The following ATP2C1 variants were observed in gnomAD, a reference collection of about 807,000 sequenced individuals.
ATP2C1 encodes calcium-transporting ATPase type 2C member 1.
Under a neutral mutation model 120.5 loss-of-function variants are expected in ATP2C1, and 31 were observed. That is an observed-to-expected ratio of 0.26 (90% CI 0.19 to 0.35). ATP2C1 has a LOEUF of 0.35. Among genes scored for constraint, ATP2C1 ranks in the 10% least tolerant of loss-of-function variants. The pLI, the probability that ATP2C1 is intolerant of heterozygous loss-of-function variation, is 1.00. For synonymous variants in ATP2C1, 351 were observed against 358.7 expected (o/e 0.98, Z 0.24); for missense variants, 731 against 1,107.5 (o/e 0.66, Z 4.83).
intron 1 of ATP2C1, among the ~76,000 whole-genome samples, chr3:130,880,535 A>G (rs1448361191): frequency 6.6e-6 from 1 of 152,228 alleles, no homozygotes; most frequent in South Asian, 2.1e-4. Context: ...CTTCTAATCC[A>G]ATTTTCCACC....
intron 20 of ATP2C1, among the ~76,000 whole-genome samples, chr3:130,989,436 A>G (rs1577010623): frequency 6.8e-6 from 1 of 146,364 alleles, no homozygotes; most frequent in Non-Finnish European, 1.5e-5. Context: ...GTGGTGGTGC[A>G]TGCCTGTAAT....
In ATP2C1 at chr3:130,997,044, A is replaced by G. The variant is rs1577037639; in HGVS notation, c.2243+248A>G. ...TGAGAATAGATCAGGAATAGGTGCT[A>G]TCCCTGTCCTCAGGAAGTAAGTAAG... is the stretch of plus-strand genomic sequence containing the variant. On this transcript the variant is annotated intron_variant, in intron 24 of 27. Transcript: ENST00000510168. Among the ~76,000 whole-genome samples, 3 of 152,250 alleles carry G rather than the reference A, an allele frequency of 2.0e-5. No individual in the cohort carries two copies. In the South Asian group the frequency reaches 6.2e-4, roughly 32 times the overall value.
chr3:130,944,124 T>C (rs1161720994), intron 8 of ATP2C1, among the ~76,000 whole-genome samples: 1 of 152,256 alleles, frequency 6.6e-6, no homozygotes, highest in African/African-American at 2.4e-5. Flanking sequence ...GTCTGTGAAC[T>C]TCTGCTATGT....
At chr3:130,869,484 G>C (rs1473462466) in intron 1 of ATP2C1, 1 of 142,012 alleles carries the variant, frequency 7.0e-6, no homozygotes, top group African/African-American at 2.8e-5. Flanking sequence ...TAATGAGGAA[G>C]CATGTTGAAA....
intron 1 of ATP2C1, among the ~76,000 whole-genome samples, chr3:130,861,544 C>G (rs113983791): frequency 6.6e-6 from 1 of 152,142 alleles, no homozygotes; most frequent in Non-Finnish European, 1.5e-5. Flanking sequence ...GGATGAGGAA[C>G]GTTCATACTG....
chr3:130,998,489 A>T, intron 26 of ATP2C1, 100 bp downstream of exon 26: 1 of 914,072 alleles, frequency 1.1e-6, no homozygotes. Flanking sequence ...GCTTTGCTTA[A>T]TTTTGTAGCC....
intron 2 of ATP2C1, among the ~76,000 whole-genome samples, chr3:130,909,827 G>T (rs1238515273): frequency 6.6e-6 from 1 of 151,676 alleles, no homozygotes; most frequent in Non-Finnish European, 1.5e-5. Flanking sequence ...TTAGTAGTTG[G>T]TTTTTCGGTA....
chr3:130,864,789 C>A (rs2068115924), intron 1 of ATP2C1, among the ~76,000 whole-genome samples: 1 of 152,234 alleles, frequency 6.6e-6, no homozygotes, highest in African/African-American at 2.4e-5. Context: ...GTTTGGGAAC[C>A]TCCACCTAGA....
chr3:130,850,853 T>A, exon 1 of ATP2C1: 1 of 1,451,008 alleles, frequency 6.9e-7, no homozygotes, highest in Non-Finnish European at 9.1e-7. Flanking sequence ...CTAGATTCTC[T>A]TATTTCAAAA....
chr3:130,915,890 G>A lies in ATP2C1; in HGVS notation c.7-14526G>A, dbSNP rs557365160. ...TAGCCATTTATATTTAGCCTGAGGC[G>A]TTCTGAGTCAGTCCAAATCCACTGT... On this transcript the variant is annotated intron_variant, in intron 2 of 27. Transcript: ENST00000510168. Among the ~76,000 whole-genome samples the A allele has an allele frequency of 5.3e-5, 8 of 152,242 alleles. No homozygotes were observed. The South Asian group carries it at 1.2e-3, about 24-fold the overall frequency.
At chr3:130,983,294 A>G (rs992127406) in intron 20 of ATP2C1, among the ~76,000 whole-genome samples, 3 of 152,164 alleles carry the variant, frequency 2.0e-5, no homozygotes, top group Non-Finnish European at 4.4e-5. Context: ...CACCGCTTTA[A>G]AAATTCTAAT....
At chr3:130,918,983 C>G (rs547629834) in intron 2 of ATP2C1, 1 of 405,968 alleles carries the variant, frequency 2.5e-6, no homozygotes, top group Non-Finnish European at 4.8e-6. Context: ...CAGAGCAAGA[C>G]TCCGTCTTAA....
intron 2 of ATP2C1, among the ~76,000 whole-genome samples, chr3:130,914,056 C>T (rs1370923302): frequency 6.6e-6 from 1 of 150,694 alleles, no homozygotes; most frequent in Non-Finnish European, 1.5e-5. Flanking sequence ...TGCTCTTTCC[C>T]TCCTCCTCCT....
intron 9 of ATP2C1, among the ~76,000 whole-genome samples, chr3:130,954,178 A>G (rs553811876): frequency 6.6e-6 from 1 of 152,194 alleles, no homozygotes; most frequent in Non-Finnish European, 1.5e-5. Flanking sequence ...TATTTCCCAG[A>G]TAATGGATAA....
intron 20 of ATP2C1, among the ~76,000 whole-genome samples, chr3:130,986,471 G>A (rs955693054): frequency 7.9e-5 from 12 of 152,170 alleles, no homozygotes; most frequent in African/African-American, 2.4e-4. Flanking sequence ...AGTTAGGGAA[G>A]AAAGAAACTA....
At chr3:131,016,554 C>T (rs1023896245) in exon 27 of ATP2C1, 11 of 596,702 alleles carry the variant, frequency 1.8e-5, no homozygotes, top group African/African-American at 1.1e-4. Flanking sequence ...TTCAACCCAT[C>T]GGAATTTACT....
At position 130,969,530 on chromosome 3, in the gene ATP2C1, AC is replaced by A. The variant is rs1458187784; in HGVS notation, c.1413+135del. On this transcript the variant is annotated intron_variant, in intron 17 of 27. Transcript: ENST00000510168. Reference sequence around the variant, plus strand: ...CTTTAAAGTACATGTAATTAATAGTACACTCATCTCTTAATTGTTTGTGTTC... The same window carrying A: ...CTTTAAAGTACATGTAATTAATAGTAACTCATCTCTTAATTGTTTGTGTTC... 7.1e-6 allele frequency: 5 copies of A among 704,160 alleles called. No homozygotes were observed. The Admixed American group carries it at 1.0e-4, about 15-fold the overall frequency. 43.6% of individuals were successfully genotyped at this position (704,160 alleles called of 1,614,324 possible). A position where few individuals can be genotyped will look rare whatever the true frequency, so the allele number is the denominator to read the frequency against.
At chr3:130,921,202 C>T (rs1248913945) in intron 2 of ATP2C1, among the ~76,000 whole-genome samples, 1 of 151,830 alleles carries the variant, frequency 6.6e-6, no homozygotes, top group East Asian at 1.9e-4. Flanking sequence ...CTGCCTCAGC[C>T]TCCGAAGTAG....
intron 1 of ATP2C1, among the ~76,000 whole-genome samples, chr3:130,859,706 C>A (rs1438215823): frequency 1.3e-5 from 2 of 152,034 alleles, no homozygotes; most frequent in African/African-American, 4.8e-5. Flanking sequence ...ACACCTGGAC[C>A]CTGGGTTGAT....
Sources: allele counts gnomAD v4.1 joint callset (sites outside exome capture counted in the v4.1 genomes callset), GRCh38; gene constraint gnomAD v4.1.1; transcripts MANE v1.5; gene names NCBI Gene and HGNC (gene_info 2026-07-23, HGNC 2026-07-21).